Variants in PCDHGA1 observed in about 807,000 individuals in gnomAD.
The protein encoded by PCDHGA1 is protocadherin gamma subfamily A, 1.
PCDHGA1 carries 32 observed loss-of-function variants against 58.0 expected under a neutral mutation model. The observed-to-expected ratio is 0.55, with a 90% CI of 0.42 to 0.74. PCDHGA1 has a LOEUF of 0.74. PCDHGA1 is among the 30% of genes least tolerant of loss of function. PCDHGA1 has a pLI of 0.00. For synonymous variants in PCDHGA1, 498 were observed against 501.1 expected, an observed-to-expected ratio of 0.99 and a Z score of 0.08; for missense variants, 1,205 against 1,182.3, an observed-to-expected ratio of 1.02 and a Z score of -0.28.
At chr5:141,437,104 T>C (rs539232057) in intron 1 of PCDHGA1, among the ~76,000 whole-genome samples, 1 of 152,338 alleles carries the variant, frequency 6.6e-6, no homozygotes, top group African/African-American at 2.4e-5. Flanking sequence ...GGCTTAGCTT[T>C]AGGATTTTTA....
At chr5:141,500,369 C>T (rs1034629981) in intron 2 of PCDHGA1, among the ~76,000 whole-genome samples, 4 of 151,866 alleles carry the variant, frequency 2.6e-5, no homozygotes, top group Admixed American at 6.6e-5. Flanking sequence ...CTACCACGCC[C>T]GGCTAATTAT....
chr5:141,344,165 C>G, intron 1 of PCDHGA1: 2 of 1,614,030 alleles, frequency 1.2e-6, no homozygotes, highest in Non-Finnish European at 1.7e-6. Context: ...AAGGTTCCTT[C>G]GTGGGCAACA....
chr5:141,468,809 T>A (rs1473677700), intron 1 of PCDHGA1, among the ~76,000 whole-genome samples: 1 of 151,850 alleles, frequency 6.6e-6, no homozygotes, highest in Admixed American at 6.6e-5. Flanking sequence ...GAACTTGCAG[T>A]GAGCCAAGAT....
At chr5:141,340,605 A>G (rs772446057) in intron 1 of PCDHGA1, 8 of 1,614,188 alleles carry the variant, frequency 5.0e-6, no homozygotes, top group Non-Finnish European at 2.5e-6. Flanking sequence ...CTCAGTAGCA[A>G]TGTATCATTA....
chr5:141,416,615 C>T (rs1156238298), intron 1 of PCDHGA1: 1 of 152,088 alleles, frequency 6.6e-6, no homozygotes, highest in Non-Finnish European at 1.5e-5. Context: ...AATGCCATTT[C>T]TGCAGATCAG....
chr5:141,385,962 A>G (rs997092778), intron 1 of PCDHGA1: 1 of 152,264 alleles, frequency 6.6e-6, no homozygotes, highest in Admixed American at 6.5e-5. Context: ...ACTAAAGGCC[A>G]TCGGACAAAA....
Position 141,431,352 on chromosome 5 carries a change from G to C in PCDHGA1, c.2422-63455G>C. Reference sequence around the variant, plus strand: ...AAGTACCCCGAATTGGTGCTGAAACGCGCCCTGGACCGCGAAGAAAAGGCT... The same window carrying C: ...AAGTACCCCGAATTGGTGCTGAAACCCGCCCTGGACCGCGAAGAAAAGGCT... On this transcript the variant is annotated intron_variant, in intron 1 of 3. Coordinates refer to ENST00000517417, the MANE Select transcript of PCDHGA1 (RefSeq NM_018912.3). This position sits in a 1 kb window ranked among gnomAD's most constrained non-coding sequence, Gnocchi z 4.8. The C allele has an allele frequency of 6.2e-7, 1 of 1,614,044 alleles. No individual in the cohort carries two copies. The highest frequency in any genetic ancestry group is 8.5e-7 in the Non-Finnish European group (1 of 1,180,032).
At chr5:141,340,794 T>G in intron 1 of PCDHGA1, 1 of 1,612,902 alleles carries the variant, frequency 6.2e-7, no homozygotes, top group Non-Finnish European at 8.5e-7. Context: ...TCTTACCACC[T>G]GCTCAAGGCC....
chr5:141,420,804 G>C (rs1283868316), intron 1 of PCDHGA1, among the ~76,000 whole-genome samples: 1 of 152,188 alleles, frequency 6.6e-6, no homozygotes, highest in Non-Finnish European at 1.5e-5. Context: ...TAAAAATTAA[G>C]CAAGCCCTTT....
At position 141,432,952 on chromosome 5, in the gene PCDHGA1, C is replaced by G. The variant is rs2097553312; in HGVS notation, c.2422-61855C>G. ...GCCTGCTGCAGGCTTCAGGAGGCGGCTTGACAGGAGCGCCGGCGTCGCACT... is the reference window on the plus strand; with the variant it reads ...GCCTGCTGCAGGCTTCAGGAGGCGGGTTGACAGGAGCGCCGGCGTCGCACT... On this transcript the variant is annotated intron_variant, in intron 1 of 3. Transcript: ENST00000517417. The surrounding 1 kb of genome is among the most constrained non-coding windows in gnomAD (Gnocchi z 6.0). 1 of 1,614,086 alleles carries G rather than the reference C, an allele frequency of 6.2e-7. No individual in the cohort carries two copies. Among genetic ancestry groups the G allele is most frequent in the South Asian group, 1.1e-5 (1 of 91,090 alleles).
chr5:141,474,703 C>A (rs2099353282), intron 1 of PCDHGA1, among the ~76,000 whole-genome samples: 1 of 152,188 alleles, frequency 6.6e-6, no homozygotes, highest in African/African-American at 2.4e-5. Flanking sequence ...GTTCAAGGTT[C>A]TATTATACTT....
chr5:141,339,842 GTA>G (rs760597232), intron 1 of PCDHGA1: 1 of 1,614,112 alleles, frequency 6.2e-7, no homozygotes, highest in Admixed American at 1.7e-5. Flanking sequence ...AACCTCAGAG[GTA>G]TTTGAGCTTA....
At chr5:141,364,262 C>A (rs899975548) in intron 1 of PCDHGA1, 3 of 1,504,192 alleles carry the variant, frequency 2.0e-6, no homozygotes, top group Non-Finnish European at 2.7e-6. Context: ...ATGTACCCAT[C>A]GGCTTTAGAT....
At chr5:141,478,618 G>A (rs1374855853) in intron 1 of PCDHGA1, 1 of 1,556,056 alleles carries the variant, frequency 6.4e-7, no homozygotes, top group Non-Finnish European at 8.7e-7. Flanking sequence ...GGAAGGAATG[G>A]AGCTGTTTTT....
intron 1 of PCDHGA1, chr5:141,374,954 A>G: frequency 6.2e-7 from 1 of 1,613,990 alleles, no homozygotes. Flanking sequence ...GATCTCACAA[A>G]TTTTCTGTTT....
chr5:141,509,595 C>T (rs968797923), intron 3 of PCDHGA1, among the ~76,000 whole-genome samples: 36 of 152,168 alleles, frequency 2.4e-4, no homozygotes, highest in African/African-American at 6.8e-4. Context: ...CTGGCAATTC[C>T]GAGAGGCTGC....
chr5:141,355,938 G>C (rs556759092), intron 1 of PCDHGA1: 1 of 1,613,878 alleles, frequency 6.2e-7, no homozygotes, highest in South Asian at 1.1e-5. Flanking sequence ...CTCAGCCCGA[G>C]TACCACGTAA....
intron 1 of PCDHGA1, chr5:141,393,503 G>T: frequency 6.2e-7 from 1 of 1,614,028 alleles, no homozygotes; most frequent in Non-Finnish European, 8.5e-7. Context: ...GCATCCACGT[G>T]ACAGTGTTGG....
rs765819865 is a variant in PCDHGA1, at chr5:141,394,837, TG to T, written c.2421+61735del. ...AGCATCCCCGAAGTCCTGACCGAGT[TG>T]GGCAGTCTGAAGCCTTCGGTCGACC... On this transcript the variant is annotated intron_variant, in intron 1 of 3. Transcript: ENST00000517417. The T allele has an allele frequency of 1.9e-6, 3 of 1,613,824 alleles. No homozygotes were observed. The South Asian group carries it at 3.3e-5, about 18-fold the overall frequency.
Sources: allele counts gnomAD v4.1 joint callset (sites outside exome capture counted in the v4.1 genomes callset), GRCh38; gene constraint gnomAD v4.1.1; non-coding constraint Gnocchi (gnomAD v3.1); transcripts MANE v1.5; gene names NCBI Gene and HGNC (gene_info 2026-07-23, HGNC 2026-07-21).